The following DET1 variants were observed in gnomAD, a reference collection of about 807,000 sequenced individuals.
DET1 encodes the protein DET1 partner of COP1 E3 ubiquitin ligase, also known as DET1 homolog.
Under a neutral mutation model 43.7 loss-of-function variants are expected in DET1, and 22 were observed. That is an observed-to-expected ratio of 0.50 (90% confidence interval 0.36 to 0.72). The LOEUF (loss-of-function observed/expected upper bound fraction) is 0.72, where lower values mean the gene tolerates loss of function less well. DET1 is among the 30% of genes least tolerant of loss of function. The probability of loss-of-function intolerance (pLI) is 0.00; values close to 1 mark genes in which losing one functional copy is unlikely to be tolerated. For synonymous variants in DET1, 315 were observed against 266.2 expected, an observed-to-expected ratio of 1.18 and a Z score of -1.79; for missense variants, 713 against 713.3, an observed-to-expected ratio of 1.00 and a Z score of 0.00.
At chr15:88,510,744 GGTT>G (rs1476127389), downstream of DET1, among the ~76,000 whole-genome samples, 3 of 151,524 alleles carry the variant, frequency 2.0e-5, no homozygotes, top group Non-Finnish European at 2.9e-5. Context: ...TTGTTTGTTT[GGTT>G]GTTGTTGTTT....
Position 88,530,750 on chromosome 15 carries a change from A to G in DET1, c.956T>C (p.Phe319Ser). 6.2e-7 allele frequency: 1 copy of G among 1,613,954 alleles called. No homozygotes were observed. The highest frequency in any genetic ancestry group is 8.5e-7 in the Non-Finnish European group (1 of 1,179,842). The change falls in exon 2 of 5, where the codon TTC becomes TCC. Residue 319 changes from phenylalanine (F) to serine (S), a missense_variant. Coordinates refer to ENST00000268148, the MANE Select transcript of DET1 (RefSeq NM_001144074.3). ...CCGCAGTTGGTCAAAATACTGGAAGAAGCGCCTCTTGGCCATTGCACTACC... is the reference window on the plus strand; with the variant it reads ...CCGCAGTTGGTCAAAATACTGGAAGGAGCGCCTCTTGGCCATTGCACTACC... Reference protein sequence around the residue: ...QDGSAMAKRRFFQYFDQLRQL... With the variant: ...QDGSAMAKRRSFQYFDQLRQL...
chr15:88,536,079 C>A (rs1291335436), intron 1 of DET1, among the ~76,000 whole-genome samples: 1 of 152,164 alleles, frequency 6.6e-6, no homozygotes, highest in Non-Finnish European at 1.5e-5. Flanking sequence ...TATAGAGGTG[C>A]AACAATTCAA....
At position 88,512,662 on chromosome 15, in the gene DET1, G is replaced by A. The variant is rs2056224506; in HGVS notation, c.*289C>T. ...AAAGTCTAATGCTTTCATCTTCACA[G>A]CAATCAAATGCAAAGTAAAGCAAAA... On this transcript the variant is annotated 3_prime_UTR_variant, in exon 5 of 5. Coordinates refer to ENST00000268148, the MANE Select transcript of DET1 (RefSeq NM_001144074.3). 2.6e-6 allele frequency: 3 copies of A among 1,154,442 alleles called. No homozygotes were observed. Among genetic ancestry groups the A allele is most frequent in the East Asian group, 4.4e-5 (1 of 22,696 alleles). 71.5% of individuals were successfully genotyped at this position (1,154,442 alleles called of 1,614,324 possible).
intron 2 of DET1, among the ~76,000 whole-genome samples, chr15:88,528,201 C>G (rs1361361462): frequency 1.3e-5 from 2 of 152,234 alleles, no homozygotes; most frequent in African/African-American, 4.8e-5. Context: ...CTTAAAATGC[C>G]AGATTTAATT....
chr15:88,517,508 G>A (rs960023183), intron 3 of DET1, among the ~76,000 whole-genome samples: 3 of 152,114 alleles, frequency 2.0e-5, no homozygotes, highest in Non-Finnish European at 2.9e-5. Context: ...TTACAGATAT[G>A]AGCCACCACA....
chr15:88,502,603 A>G (rs994532585), intron 8 of DET1: 3 of 152,222 alleles, frequency 2.0e-5, no homozygotes, highest in Admixed American at 6.5e-5. Flanking sequence ...ACTGCTGACA[A>G]CTCGCCTGGG....
rs986273191 is a variant in DET1, at chr15:88,540,096, G to A, written c.-11+6444C>T. Among the ~76,000 whole-genome samples, 10 of 151,696 alleles carry A rather than the reference G, an allele frequency of 6.6e-5. No homozygotes were observed. In the East Asian group the frequency reaches 9.7e-4, roughly 15 times the overall value. On this transcript the variant is annotated intron_variant, in intron 1 of 4. Transcript: ENST00000268148. ...CTCTGCACATTTCGGTTTCCACTGC[G>A]ACAGCAAGTTCAGTGTCTCCAGGAC...
At chr15:88,521,865 T>A (rs1293422723) in intron 3 of DET1, among the ~76,000 whole-genome samples, 2 of 151,658 alleles carry the variant, frequency 1.3e-5, no homozygotes, top group African/African-American at 4.9e-5. Flanking sequence ...GATATGCCTC[T>A]GTGTGTGGGT....
intron 4 of DET1, among the ~76,000 whole-genome samples, chr15:88,514,561 T>C (rs1165000209): frequency 6.6e-6 from 1 of 152,224 alleles, no homozygotes; most frequent in Non-Finnish European, 1.5e-5. Context: ...GATGGGGGAA[T>C]AGTTAAATAA....
intron 1 of DET1, among the ~76,000 whole-genome samples, chr15:88,542,078 AG>A (rs948010024): frequency 6.6e-6 from 1 of 152,134 alleles, no homozygotes; most frequent in African/African-American, 2.4e-5. Context: ...TTCTCTGAAA[AG>A]CCTCAGGCTT....
At chr15:88,538,660 GA>G (rs1240190867) in intron 1 of DET1, among the ~76,000 whole-genome samples, 4 of 152,184 alleles carry the variant, frequency 2.6e-5, no homozygotes, top group African/African-American at 9.7e-5. Context: ...GCCCCAGCGA[GA>G]AATTAATGCC....
intron 8 of DET1, chr15:88,501,977 C>T (rs2056093005): frequency 1.3e-5 from 2 of 152,180 alleles, no homozygotes; most frequent in Admixed American, 6.5e-5. Context: ...GTTTTGGTTA[C>T]ATGCATGAAC....
At chr15:88,540,474 A>C (rs2057078179) in intron 1 of DET1, among the ~76,000 whole-genome samples, 1 of 152,098 alleles carries the variant, frequency 6.6e-6, no homozygotes, top group African/African-American at 2.4e-5. Context: ...AAAAAAAAAA[A>C]AAAATGGGAA....
At chr15:88,543,098 C>A (rs2057154979) in intron 1 of DET1, among the ~76,000 whole-genome samples, 1 of 152,190 alleles carries the variant, frequency 6.6e-6, no homozygotes, top group African/African-American at 2.4e-5. Flanking sequence ...AAGACTTTAA[C>A]TGAAGCCCCT....
chr15:88,538,985 C>T lies in DET1; in HGVS notation c.-10-7270G>A, dbSNP rs547166282. Among the ~76,000 whole-genome samples, 192 of 152,156 alleles carry T rather than the reference C, an allele frequency of 1.3e-3. 4 individuals are homozygous for T. The highest frequency in any genetic ancestry group is 2.1e-3 in the South Asian group (10 of 4,820). ...GGTTGAGCCTTGGTTTTCTGGTAGG[C>T]GCCTCTGTGTCTTGGTTTAGGTGGG... On this transcript the variant is annotated intron_variant, in intron 1 of 4. Transcript: ENST00000268148.
chr15:88,506,203 A>C (rs2056139036), intron 7 of DET1, among the ~76,000 whole-genome samples: 1 of 152,244 alleles, frequency 6.6e-6, no homozygotes, highest in Non-Finnish European at 1.5e-5. Flanking sequence ...CCTGAAAAGT[A>C]GAAATTACCC....
intron 1 of DET1, among the ~76,000 whole-genome samples, chr15:88,539,151 A>C (rs945746283): frequency 2.6e-5 from 4 of 151,876 alleles, no homozygotes; most frequent in Non-Finnish European, 5.9e-5. Context: ...AATCTCCAGG[A>C]AAGAAAAAAA....
intron 1 of DET1, among the ~76,000 whole-genome samples, chr15:88,537,434 C>G (rs2142328804): frequency 1.3e-5 from 2 of 152,254 alleles, no homozygotes; most frequent in Middle Eastern, 6.8e-3. Flanking sequence ...CTCCCTGGCT[C>G]AAGTGATCTT....
At chr15:88,517,429 T>C (rs1335104653) in intron 3 of DET1, among the ~76,000 whole-genome samples, 2 of 152,180 alleles carry the variant, frequency 1.3e-5, no homozygotes, top group East Asian at 3.9e-4. Flanking sequence ...TTTTGCCATG[T>C]TGCTCAGGCT....
Sources: allele counts gnomAD v4.1 joint callset (sites outside exome capture counted in the v4.1 genomes callset), GRCh38; gene constraint gnomAD v4.1.1; transcripts MANE v1.5; gene names NCBI Gene and HGNC (gene_info 2026-07-23, HGNC 2026-07-21).